Variants in THSD7B observed in about 807,000 individuals in gnomAD.
THSD7B encodes thrombospondin type-1 domain-containing protein 7B.
Under a neutral mutation model 213.6 loss-of-function variants are expected in THSD7B, and 138 were observed. That is an observed-to-expected ratio of 0.65 (90% CI 0.56 to 0.74). The LOEUF (loss-of-function observed/expected upper bound fraction) is 0.74, where lower values mean the gene tolerates loss of function less well. Among genes scored for constraint, THSD7B ranks in the 30% least tolerant of loss-of-function variants. The probability of loss-of-function intolerance (pLI) is 0.00; values close to 1 mark genes in which losing one functional copy is unlikely to be tolerated. For synonymous variants in THSD7B, 742 were observed against 687.0 expected (o/e 1.08, Z -1.25); for missense variants, 1,931 against 1,991.5 (o/e 0.97, Z 0.58).
chr2:137,297,883 T>C (rs574090503), intron 12 of THSD7B, among the ~76,000 whole-genome samples: 1 of 152,278 alleles, frequency 6.6e-6, no homozygotes, highest in East Asian at 1.9e-4. Flanking sequence ...TAAACCTCTT[T>C]CTTTTGTAAA....
intron 2 of THSD7B, among the ~76,000 whole-genome samples, chr2:137,016,642 T>C (rs938559692): frequency 1.3e-5 from 2 of 152,216 alleles, no homozygotes; most frequent in African/African-American, 4.8e-5. Flanking sequence ...TCCTTAACAC[T>C]ACTTTCCATA....
intron 1 of THSD7B, among the ~76,000 whole-genome samples, chr2:136,801,164 T>G (rs926936978): frequency 1.3e-5 from 2 of 152,100 alleles, no homozygotes; most frequent in Non-Finnish European, 2.9e-5. Context: ...TGATGTAACT[T>G]GCAGCATAAT....
At chr2:136,892,246 C>T (rs1170346693) in intron 2 of THSD7B, among the ~76,000 whole-genome samples, 2 of 152,112 alleles carry the variant, frequency 1.3e-5, no homozygotes, top group African/African-American at 4.8e-5. Context: ...GCTTCCAGAT[C>T]ATCTCTTGAT....
chr2:137,542,278 G>A (rs961913453), intron 15 of THSD7B, among the ~76,000 whole-genome samples: 1 of 151,602 alleles, frequency 6.6e-6, no homozygotes, highest in African/African-American at 2.4e-5. Flanking sequence ...AAACCGTGGA[G>A]GCAAGAAGGC....
intron 1 of THSD7B, among the ~76,000 whole-genome samples, chr2:136,768,595 C>A (rs1345935972): frequency 6.6e-6 from 1 of 152,012 alleles, no homozygotes; most frequent in Non-Finnish European, 1.5e-5. Context: ...TTAAAGAATT[C>A]TAAGTAGTGA....
intron 17 of THSD7B, among the ~76,000 whole-genome samples, chr2:137,578,769 T>A (rs1175177334): frequency 6.6e-6 from 1 of 152,168 alleles, no homozygotes; most frequent in Non-Finnish European, 1.5e-5. Flanking sequence ...TAATATTTTG[T>A]TTGTTTGTTT....
chr2:137,505,816 G>C (rs901929860), intron 15 of THSD7B, among the ~76,000 whole-genome samples: 2 of 152,250 alleles, frequency 1.3e-5, no homozygotes, highest in East Asian at 3.8e-4. Flanking sequence ...TCAGGAAGCA[G>C]AGGGAGTGCA....
At chr2:136,814,378 G>T (rs907540804) in intron 1 of THSD7B, among the ~76,000 whole-genome samples, 2 of 151,414 alleles carry the variant, frequency 1.3e-5, no homozygotes, top group East Asian at 1.9e-4. Context: ...AGTAAGATTT[G>T]TTTTTTTTCT....
chr2:137,341,889 G>A (rs946688776), intron 12 of THSD7B, among the ~76,000 whole-genome samples: 1 of 151,480 alleles, frequency 6.6e-6, no homozygotes, highest in African/African-American at 2.4e-5. Flanking sequence ...AGTAAAACTT[G>A]ATATCAGGTA....
At chr2:137,401,945 T>C (rs1686376859) in intron 12 of THSD7B, among the ~76,000 whole-genome samples, 1 of 152,236 alleles carries the variant, frequency 6.6e-6, no homozygotes, top group African/African-American at 2.4e-5. Context: ...CCGGCGAAGA[T>C]GCAAAAATAT....
chr2:136,805,541 T>G (rs762213572), intron 1 of THSD7B, among the ~76,000 whole-genome samples: 1 of 152,156 alleles, frequency 6.6e-6, no homozygotes, highest in Admixed American at 6.5e-5. Flanking sequence ...GCTAGCCATT[T>G]TCTCTTGTGT....
At chr2:137,285,223 C>T (rs1683140219) in intron 12 of THSD7B, among the ~76,000 whole-genome samples, 1 of 151,934 alleles carries the variant, frequency 6.6e-6, no homozygotes. Context: ...GGATTGCAAC[C>T]CCTGCCTTTT....
At position 137,054,666 on chromosome 2, in the gene THSD7B, G is replaced by A. The variant is rs529486698; in HGVS notation, c.140-1754G>A. Among the ~76,000 whole-genome samples, 114 of 152,318 alleles carry A rather than the reference G, an allele frequency of 7.5e-4. 1 individual carries two copies. Among genetic ancestry groups the A allele is most frequent in the African/African-American group, 2.7e-3 (112 of 41,568 alleles). ...AGCTGGTCAGATTCAGGGAAAGAGAGAGAGCTTGTGTAAATTCATATGCCT... is the reference window on the plus strand; with the variant it reads ...AGCTGGTCAGATTCAGGGAAAGAGAAAGAGCTTGTGTAAATTCATATGCCT... On this transcript the variant is annotated intron_variant, in intron 2 of 27. Transcript: ENST00000409968.
chr2:137,625,530 G>A (rs1324940154), intron 20 of THSD7B, among the ~76,000 whole-genome samples: 2 of 151,972 alleles, frequency 1.3e-5, no homozygotes, highest in Non-Finnish European at 2.9e-5. Flanking sequence ...GCCCAGGAAA[G>A]TACAAAACAT....
At chr2:137,013,086 A>C (rs1486085652) in intron 2 of THSD7B, among the ~76,000 whole-genome samples, 1 of 152,220 alleles carries the variant, frequency 6.6e-6, no homozygotes, top group Non-Finnish European at 1.5e-5. Context: ...AAAATACATA[A>C]ATCAATTACT....
At chr2:136,997,055 G>A (rs1483347350) in intron 2 of THSD7B, among the ~76,000 whole-genome samples, 1 of 152,072 alleles carries the variant, frequency 6.6e-6, no homozygotes, top group African/African-American at 2.4e-5. Context: ...AATGTAATTG[G>A]TATCTCTTTC....
intron 1 of THSD7B, among the ~76,000 whole-genome samples, chr2:136,866,743 G>A (rs1429419443): frequency 6.6e-6 from 1 of 151,992 alleles, no homozygotes; most frequent in Admixed American, 6.6e-5. Flanking sequence ...TCTACCTGTT[G>A]GTTCTTACTT....
intron 1 of THSD7B, among the ~76,000 whole-genome samples, chr2:136,881,521 A>G (rs530894831): frequency 2.0e-5 from 3 of 152,302 alleles, no homozygotes; most frequent in African/African-American, 7.2e-5. Flanking sequence ...AAAATTTGCA[A>G]TACCATCATA....
At chr2:137,461,407 A>G (rs1010433869) in intron 15 of THSD7B, among the ~76,000 whole-genome samples, 2 of 152,062 alleles carry the variant, frequency 1.3e-5, no homozygotes, top group Non-Finnish European at 2.9e-5. Context: ...CATGGGTGCA[A>G]TAAACGTTTA....
Sources: gnomAD v4.1 joint callset for allele counts (sites outside exome capture counted in the v4.1 genomes callset) on GRCh38, gnomAD v4.1.1 for gene constraint, MANE v1.5 for transcripts, NCBI Gene and HGNC (gene_info 2026-07-23, HGNC 2026-07-21) for gene names.